KRT86: variants seen among roughly 807,000 people sequenced by gnomAD.
The protein encoded by KRT86 is keratin, type II cuticular Hb6.
A neutral mutation model predicts 41.2 loss-of-function variants in KRT86; 30 were observed. The observed-to-expected ratio is 0.73, with a 90% CI of 0.54 to 0.99. KRT86 has a LOEUF of 0.99. KRT86 is among the 50% of genes least tolerant of loss of function. The probability of loss-of-function intolerance (pLI) is 0.00; values close to 1 mark genes in which losing one functional copy is unlikely to be tolerated. For synonymous variants in KRT86, 238 were observed against 238.1 expected (o/e 1.00, Z 0.00); for missense variants, 561 against 571.4 (o/e 0.98, Z 0.19).
chr12:52,306,605 AT>A (rs1466876668), intron 9 of KRT86: 4 of 484,972 alleles, frequency 8.2e-6, no homozygotes, highest in Middle Eastern at 5.8e-4. Flanking sequence ...CTGTAGCTGC[AT>A]GTGCTTCTCA....
intron 9 of KRT86, among the ~76,000 whole-genome samples, chr12:52,307,791 A>G (rs1212195533): frequency 1.3e-5 from 2 of 152,238 alleles, no homozygotes; most frequent in African/African-American, 4.8e-5. Flanking sequence ...ATCTAATGAC[A>G]CCAATCAGAC....
intron 2 of KRT86, chr12:52,287,901 C>A (rs1298325707): frequency 2.2e-5 from 36 of 1,611,494 alleles, no homozygotes; most frequent in Non-Finnish European, 3.0e-5. Flanking sequence ...GACCAGCATC[C>A]CCAGAAAAGG....
intron 7 of KRT86, 47 bp downstream of exon 7, chr12:52,305,451 A>T (rs1436284658): frequency 6.2e-7 from 1 of 1,613,698 alleles, no homozygotes; most frequent in Non-Finnish European, 8.5e-7. Flanking sequence ...AGTGGGAGGG[A>T]TTTGAGATTA....
chr12:52,291,659 G>C, intron 2 of KRT86: 2 of 754,874 alleles, frequency 2.6e-6, no homozygotes, highest in Non-Finnish European at 4.2e-6. Context: ...CGCCTCTCCA[G>C]AATGTGCTTT....
In KRT86 at chr12:52,305,247, G is replaced by T. The variant is rs765173749; in HGVS notation, c.743G>T (p.Arg248Leu). The T allele has an allele frequency of 1.2e-4, 192 of 1,613,776 alleles. No homozygotes were observed. Among genetic ancestry groups the T allele is most frequent in the Middle Eastern group, 4.9e-4 (3 of 6,072 alleles). The change falls in exon 7 of 11, where the codon CGC becomes CTC. Residue 248 changes from arginine to leucine, a missense_variant. By Grantham distance (102) the Arg-to-Leu change is moderately radical. Transcript: ENST00000423955. ...FLRRLYEEEI[R>L]VLQSHISDTS... is the part of the protein sequence containing the mutation. ...TGCCCTCACCTCCTGCAGGAGATCCGCGTTCTCCAGTCCCACATCTCAGAC... is the reference window on the plus strand; with the variant it reads ...TGCCCTCACCTCCTGCAGGAGATCCTCGTTCTCCAGTCCCACATCTCAGAC...
At chr12:52,301,395 T>C (rs776249125) in intron 2 of KRT86, among the ~76,000 whole-genome samples, 1 of 152,100 alleles carries the variant, frequency 6.6e-6, no homozygotes, top group Non-Finnish European at 1.5e-5. Flanking sequence ...GGTCATCTAG[T>C]TCGGAGAAAC....
chr12:52,284,203 T>G (rs1187419610), intron 2 of KRT86, among the ~76,000 whole-genome samples: 1 of 152,152 alleles, frequency 6.6e-6, no homozygotes, highest in East Asian at 1.9e-4. Flanking sequence ...TGTTTTTTTA[T>G]TTTTTTGAAA....
At chr12:52,283,392 C>CAAAA (rs1169224117) in intron 2 of KRT86, among the ~76,000 whole-genome samples, 92 of 39,332 alleles carry the variant, frequency 2.3e-3, no homozygotes, top group African/African-American at 5.1e-3. Context: ...AACTGTCTCA[C>CAAAA]AAAAAAAAAA....
chr12:52,287,301 C>T, intron 2 of KRT86: 7 of 1,614,040 alleles, frequency 4.3e-6, no homozygotes, highest in Non-Finnish European at 5.9e-6. Flanking sequence ...GACTGGGCCA[C>T]CGCGGCCTCC....
chr12:52,295,314 C>T (rs1329650681), intron 2 of KRT86, among the ~76,000 whole-genome samples: 4 of 152,018 alleles, frequency 2.6e-5, no homozygotes, highest in African/African-American at 4.8e-5. Context: ...TTATTATTCT[C>T]GTTTTATAGA....
At chr12:52,288,123 A>C (rs747389396) in intron 2 of KRT86, 1 of 1,613,976 alleles carries the variant, frequency 6.2e-7, no homozygotes, top group Non-Finnish European at 8.5e-7. Flanking sequence ...GGTGTCTGAG[A>C]TGTGCGACTG....
chr12:52,306,358 T>C, intron 9 of KRT86, 78 bp downstream of exon 9: 1 of 1,606,872 alleles, frequency 6.2e-7, no homozygotes, highest in Non-Finnish European at 8.5e-7. Flanking sequence ...CCTGGCAGCA[T>C]TTAAGTTTTG....
At chr12:52,285,266 C>A (rs940536048) in intron 2 of KRT86, among the ~76,000 whole-genome samples, 1 of 152,156 alleles carries the variant, frequency 6.6e-6, no homozygotes, top group Non-Finnish European at 1.5e-5. Flanking sequence ...CCGTGTCCCC[C>A]CTCTATGCCA....
At chr12:52,285,666 A>G (rs1405928330) in intron 2 of KRT86, among the ~76,000 whole-genome samples, 3 of 152,186 alleles carry the variant, frequency 2.0e-5, no homozygotes, top group South Asian at 2.1e-4. Flanking sequence ...CCCTGCCCCA[A>G]TTATTGAGTG....
intron 2 of KRT86, among the ~76,000 whole-genome samples, chr12:52,295,162 G>A (rs1752569432): frequency 6.6e-6 from 1 of 152,108 alleles, no homozygotes; most frequent in Non-Finnish European, 1.5e-5. Context: ...GATGTTTCAT[G>A]TAGAAAGCTA....
intron 2 of KRT86, chr12:52,288,484 A>G (rs1938036845): frequency 6.2e-7 from 1 of 1,612,658 alleles, no homozygotes; most frequent in South Asian, 1.1e-5. Flanking sequence ...GTTGGAGCTC[A>G]AGGACCCTGG....
At chr12:52,278,244 A>T (rs1248509711) in intron 2 of KRT86, among the ~76,000 whole-genome samples, 3 of 152,180 alleles carry the variant, frequency 2.0e-5, no homozygotes, top group Non-Finnish European at 4.4e-5. Context: ...CACCTCACAA[A>T]ACCCTGGCAG....
Position 52,308,677 on chromosome 12 carries a change from C to A in KRT86, c.*92C>A. 1 of 1,248,542 alleles carries A rather than the reference C, an allele frequency of 8.0e-7. No individual in the cohort carries two copies. The highest frequency in any genetic ancestry group is 1.1e-6 in the Non-Finnish European group (1 of 886,426). The allele number at this position is 1,248,542 out of a possible 1,614,324, so 77.3% of individuals were successfully genotyped here. A position where few individuals can be genotyped will look rare whatever the true frequency, so the allele number is the denominator to read the frequency against. On this transcript the variant is annotated 3_prime_UTR_variant, in exon 11 of 11. Transcript: ENST00000423955. ...GAACGCGCCGCCCGCGCCGGCCTCC[C>A]AATAGCCGCCGCCCGCTGCCTGCAC...
At chr12:52,308,101 G>A (rs1369662710) in intron 9 of KRT86, 132 bp from the exon 10 acceptor site, 2 of 1,207,424 alleles carry the variant, frequency 1.7e-6, no homozygotes, top group Non-Finnish European at 2.4e-6. Flanking sequence ...CTGGCTCCTG[G>A]CCGAGAGCAT....
Sources: allele counts gnomAD v4.1 joint callset (sites outside exome capture counted in the v4.1 genomes callset), GRCh38; gene constraint gnomAD v4.1.1; transcripts MANE v1.5; gene names NCBI Gene and HGNC (gene_info 2026-07-23, HGNC 2026-07-21).